Variants in CCNY observed in about 807,000 individuals in gnomAD.
CCNY encodes the protein cyclin-Y.
Under a neutral mutation model 42.8 loss-of-function variants are expected in CCNY, and 19 were observed. The observed-to-expected ratio is 0.44, with a 90% CI of 0.31 to 0.65. CCNY has a LOEUF of 0.65. Ranked by LOEUF, CCNY falls within the 30% of genes least tolerant of loss-of-function variation. CCNY has a pLI of 0.07. For missense variants in CCNY, 370 were observed against 437.3 expected (o/e 0.85, Z 1.37); for synonymous variants, 165 against 162.7 (o/e 1.01, Z -0.11).
chr10:35,427,808 A>C (rs1294100317), intron 1 of CCNY, among the ~76,000 whole-genome samples: 1 of 152,188 alleles, frequency 6.6e-6, no homozygotes, highest in Non-Finnish European at 1.5e-5. Context: ...CCTTCCCTGC[A>C]GGAAAGAGCA....
intron 1 of CCNY, among the ~76,000 whole-genome samples, chr10:35,404,363 AG>A (rs1837710966): frequency 6.6e-6 from 1 of 152,088 alleles, no homozygotes; most frequent in South Asian, 2.1e-4. Context: ...GGTTGGGATG[AG>A]TTAGGGAGAG....
intron 3 of CCNY, among the ~76,000 whole-genome samples, chr10:35,253,463 G>T (rs1432819211): frequency 2.3e-5 from 3 of 127,948 alleles, no homozygotes; most frequent in Admixed American, 9.4e-5. Flanking sequence ...GGTGTGTTGT[G>T]GGGGGAGTCT....
intron 1 of CCNY, among the ~76,000 whole-genome samples, chr10:35,431,131 T>A (rs554943806): frequency 2.1e-4 from 32 of 151,084 alleles, no homozygotes; most frequent in Non-Finnish European, 4.1e-4. Context: ...AAAAAAAAAA[T>A]TAATACTTAC....
chr10:35,514,091 A>AAC (rs1840378323), intron 3 of CCNY, among the ~76,000 whole-genome samples: 1 of 151,446 alleles, frequency 6.6e-6, no homozygotes, highest in African/African-American at 2.4e-5. Flanking sequence ...AAAAAAAAAA[A>AAC]AAAAAACAGA....
At chr10:35,560,006 G>A (rs1437029152) in intron 8 of CCNY, among the ~76,000 whole-genome samples, 2 of 145,814 alleles carry the variant, frequency 1.4e-5, no homozygotes, top group Non-Finnish European at 2.9e-5. Context: ...TCTTTTGGAA[G>A]GAAAGGGGAT....
chr10:35,335,583 G>A (rs1836004186), upstream of CCNY, among the ~76,000 whole-genome samples: 1 of 152,042 alleles, frequency 6.6e-6, no homozygotes, highest in Non-Finnish European at 1.5e-5. Context: ...ATAGCCAGGT[G>A]CCGTGGCTCA....
chr10:35,305,994 A>G (rs1156435816), intron 3 of CCNY, among the ~76,000 whole-genome samples: 2 of 152,172 alleles, frequency 1.3e-5, no homozygotes, highest in Non-Finnish European at 2.9e-5. Context: ...ACAGTAACAC[A>G]TCCTGTGTAA....
intron 1 of CCNY, among the ~76,000 whole-genome samples, chr10:35,388,048 C>T (rs1191828715): frequency 6.6e-6 from 1 of 152,150 alleles, no homozygotes; most frequent in Admixed American, 6.5e-5. Context: ...TTTTCATGTT[C>T]CTTTAGCATT....
intron 5 of CCNY, 87 bp from the exon 6 acceptor site, chr10:35,529,886 A>T: frequency 1.6e-6 from 2 of 1,279,902 alleles, no homozygotes; most frequent in Non-Finnish European, 1.1e-6. Flanking sequence ...AAAAAAAAAA[A>T]GTCATTGAAT....
intron 1 of CCNY, among the ~76,000 whole-genome samples, chr10:35,428,606 CAG>C (rs141140368): frequency 1.7e-3 from 247 of 147,322 alleles, no homozygotes; most frequent in Middle Eastern, 3.5e-3. Flanking sequence ...AGGGTGAAGG[CAG>C]AGAGAGAGAG....
chr10:35,404,744 G>A (rs1412655127), intron 1 of CCNY, among the ~76,000 whole-genome samples: 4 of 152,154 alleles, frequency 2.6e-5, no homozygotes, highest in Admixed American at 6.5e-5. Context: ...TGGGGTTTGG[G>A]AGATTAGTTG....
At chr10:35,302,203 C>G (rs1490479971) in intron 3 of CCNY, among the ~76,000 whole-genome samples, 5 of 148,176 alleles carry the variant, frequency 3.4e-5, no homozygotes, top group Non-Finnish European at 7.5e-5. Flanking sequence ...CCTCATGACC[C>G]ACCTGCCTCG....
At chr10:35,409,110 G>C (rs1837847634) in intron 1 of CCNY, among the ~76,000 whole-genome samples, 1 of 152,018 alleles carries the variant, frequency 6.6e-6, no homozygotes, top group Non-Finnish European at 1.5e-5. Context: ...TTCCTCCAAT[G>C]GCTGTTAGAT....
intron 1 of CCNY, among the ~76,000 whole-genome samples, chr10:35,344,541 A>G (rs962090886): frequency 1.4e-4 from 22 of 152,284 alleles, no homozygotes; most frequent in Admixed American, 1.2e-3. Flanking sequence ...AATACAAAAA[A>G]AATTTTTTTT....
In CCNY at chr10:35,572,257, G is replaced by A. The variant is rs1309863614; in HGVS notation, c.*3087G>A. The stretch of plus-strand genomic sequence containing the variant: ...TGCTGCTTTTGGTAACTTCTCACCT[G>A]GGGCCATATTTTACAGATTTGAATT... On this transcript the variant is annotated 3_prime_UTR_variant, in exon 10 of 10. Coordinates refer to ENST00000374704, the MANE Select transcript of CCNY (RefSeq NM_145012.6). The A allele has an allele frequency of 1.3e-5, 2 of 152,064 alleles. No individual in the cohort carries two copies. The highest frequency in any genetic ancestry group is 2.9e-5 in the Non-Finnish European group (2 of 68,046). 9.4% of individuals were successfully genotyped at this position (152,064 alleles called of 1,614,324 possible). A position where few individuals can be genotyped will look rare whatever the true frequency, so the allele number is the denominator to read the frequency against.
intron 1 of CCNY, among the ~76,000 whole-genome samples, chr10:35,424,228 C>T (rs759932113): frequency 5.3e-5 from 8 of 152,082 alleles, no homozygotes; most frequent in Non-Finnish European, 1.2e-4. Context: ...TTTTTCTTTT[C>T]TTTTCTTTTC....
intron 2 of CCNY, among the ~76,000 whole-genome samples, chr10:35,486,359 A>AC (rs1406409023): frequency 6.6e-6 from 1 of 152,250 alleles, no homozygotes; most frequent in Non-Finnish European, 1.5e-5. Context: ...TTAAACATTT[A>AC]CTAGTACACC....
chr10:35,381,159 T>C (rs1023388362), intron 1 of CCNY, among the ~76,000 whole-genome samples: 4 of 152,248 alleles, frequency 2.6e-5, no homozygotes, highest in African/African-American at 9.6e-5. Context: ...GTCGGTGATA[T>C]TCTTTCCCCC....
chr10:35,538,448 G>A (rs1840929830), intron 7 of CCNY, among the ~76,000 whole-genome samples: 2 of 152,206 alleles, frequency 1.3e-5, no homozygotes, highest in South Asian at 2.1e-4. Context: ...GAGATTTTCA[G>A]TTTCTCCACA....
Sources: gnomAD v4.1 joint callset for allele counts (sites outside exome capture counted in the v4.1 genomes callset) on GRCh38, gnomAD v4.1.1 for gene constraint, MANE v1.5 for transcripts, NCBI Gene and HGNC (gene_info 2026-07-23, HGNC 2026-07-21) for gene names.